Variants in NAGK observed in about 807,000 individuals in gnomAD.
NAGK encodes N-acetylglucosamine kinase, also known as N-acetyl-D-glucosamine kinase.
NAGK carries 35 observed loss-of-function variants against 42.9 expected under a neutral mutation model. The ratio of observed to expected loss-of-function variants is 0.82; its 90% confidence interval spans 0.62 to 1.08. The LOEUF (loss-of-function observed/expected upper bound fraction) is 1.08, where lower values mean the gene tolerates loss of function less well. Among genes scored for constraint, NAGK ranks in the 50% least tolerant of loss-of-function variants. The pLI is 0.00. For synonymous variants in NAGK, 172 were observed against 176.0 expected, an observed-to-expected ratio of 0.98 and a Z score of 0.18; for missense variants, 446 against 446.0, an observed-to-expected ratio of 1.00 and a Z score of 0.00.
intron 4 of NAGK, 76 bp from the exon 5 acceptor site, chr2:71,072,565 C>G: frequency 7.9e-7 from 1 of 1,267,866 alleles, no homozygotes; most frequent in Non-Finnish European, 1.1e-6. Flanking sequence ...GTTTTCTGTC[C>G]TGTCTTTCCA....
Position 71,077,655 on chromosome 2 carries a change from T to C in NAGK, c.844+19T>C, listed in dbSNP as rs903803315. ...AAGGAAGGTGAGCCTGGGGGGAGGC[T>C]GGAAGGGCAAGGGCAGGGGACGGGG... On this transcript the variant is annotated intron_variant, in intron 9 of 9. Coordinates refer to ENST00000244204, the MANE Select transcript of NAGK (RefSeq NM_017567.6). The C allele has an allele frequency of 1.9e-6, 3 of 1,593,746 alleles. No homozygotes were observed. Among genetic ancestry groups the C allele is most frequent in the African/African-American group, 1.3e-5 (1 of 74,378 alleles).
At chr2:71,073,114 T>C in intron 5 of NAGK, 1 of 452,750 alleles carries the variant, frequency 2.2e-6, no homozygotes, top group Non-Finnish European at 4.1e-6. Context: ...CCTTCCAACA[T>C]CACCTCTCTC....
chr2:71,073,331 T>TC, intron 5 of NAGK, 151 bp from the exon 6 acceptor site: 2 of 150,784 alleles, frequency 1.3e-5, no homozygotes, highest in Non-Finnish European at 1.3e-5. Flanking sequence ...CCCACCCCCC[T>TC]CTCCCACCCC....
rs755268543 is a variant in NAGK at position 71,078,606 on chromosome 2, A to C, written c.*98A>C. The C allele has an allele frequency of 3.0e-6, 4 of 1,341,906 alleles. No homozygotes were observed. The highest frequency in any genetic ancestry group is 4.0e-6 in the Non-Finnish European group (4 of 1,002,876). 83.1% of individuals were successfully genotyped at this position (1,341,906 alleles called of 1,614,324 possible). Reference sequence around the variant, plus strand: ...CTTTCTCCTTTTTACAAAAACAAACATAGAAGAAAATAAATGCACTTTATC... The same window carrying C: ...CTTTCTCCTTTTTACAAAAACAAACCTAGAAGAAAATAAATGCACTTTATC... On this transcript the variant is annotated 3_prime_UTR_variant, in exon 10 of 10. Coordinates refer to ENST00000244204, the MANE Select transcript of NAGK (RefSeq NM_017567.6).
chr2:71,068,492 G>C, upstream of NAGK: 4 of 1,418,662 alleles, frequency 2.8e-6, no homozygotes, highest in Non-Finnish European at 3.7e-6. Flanking sequence ...CCAGAAGGAA[G>C]ACAGCCTGAG....
Position 71,073,588 on chromosome 2 carries a change from T to C in NAGK, c.573T>C (p.Tyr191=), listed in dbSNP as rs1383898703. 61 of 1,611,776 alleles carry C rather than the reference T, an allele frequency of 3.8e-5. No individual in the cohort carries two copies. The East Asian group carries it at 1.3e-3, about 35-fold the overall frequency. The change falls in exon 6 of 10, where the codon TAT becomes TAC. Residue 191 remains tyrosine, a synonymous_variant. Coordinates refer to ENST00000244204, the MANE Select transcript of NAGK (RefSeq NM_017567.6). The part of the protein sequence containing the change: ...IGYVKQAMFH[Y]FQVPDRLGIL... ...ACGTCAAACAGGCCATGTTCCACTA[T>C]TTCCAGGTACTCCTCCTGCTCCCAG... is the stretch of plus-strand genomic sequence containing the variant.
rs1313836915 is a variant in NAGK, at chr2:71,077,626, G to A, written c.834G>A (p.Leu278=). ...GCTCTGTGTGGAAGAGCTGGGAGCTGCTGAAGGAAGGTGAGCCTGGGGGGA... is the reference window on the plus strand; with the variant it reads ...GCTCTGTGTGGAAGAGCTGGGAGCTACTGAAGGAAGGTGAGCCTGGGGGGA... The part of the protein sequence containing the change: ...CVGSVWKSWE[L]LKEGFLLALT... The change falls in exon 9 of 10, where the codon CTG becomes CTA. Residue 278 remains leucine, a synonymous_variant. Transcript: ENST00000244204. The A allele has an allele frequency of 6.8e-6, 11 of 1,606,170 alleles. No homozygotes were observed. Among genetic ancestry groups the A allele is most frequent in the South Asian group, 1.1e-5 (1 of 89,332 alleles).
At chr2:71,072,863 A>G (rs536800227) in intron 5 of NAGK, 112 bp downstream of exon 5, 69 of 949,148 alleles carry the variant, frequency 7.3e-5, no homozygotes, top group Non-Finnish European at 7.4e-5. Context: ...CCTGGGGACA[A>G]CTCCTGAACC....
At position 71,078,524 on chromosome 2, in the gene NAGK, T is replaced by G. The variant is rs758087628; in HGVS notation, c.*16T>G. 6 of 1,501,384 alleles carry G rather than the reference T, an allele frequency of 4.0e-6. No homozygotes were observed. The African/African-American group carries it at 7.0e-5, about 17-fold the overall frequency. The allele number at this position is 1,501,384 out of a possible 1,614,324, so 93.0% of individuals were successfully genotyped here. On this transcript the variant is annotated 3_prime_UTR_variant, in exon 10 of 10. Coordinates refer to ENST00000244204, the MANE Select transcript of NAGK (RefSeq NM_017567.6). ...CTTTTCCTAGGGGGCTGGTCCCGGC[T>G]CCACCCCCTCCAAGCTCAGTGGACA...
At chr2:71,072,317 G>A in intron 4 of NAGK, 1 of 340,272 alleles carries the variant, frequency 2.9e-6, no homozygotes, top group Non-Finnish European at 5.6e-6. Flanking sequence ...GAATATCACT[G>A]TGAGAACGGG....
chr2:71,074,136 G>A (rs1672126600), intron 6 of NAGK, among the ~76,000 whole-genome samples: 1 of 152,156 alleles, frequency 6.6e-6, no homozygotes, highest in African/African-American at 2.4e-5. Context: ...GCCTTTAGCG[G>A]AACCAGAGGT....
At chr2:71,072,272 G>C in intron 4 of NAGK, 1 of 269,888 alleles carries the variant, frequency 3.7e-6, no homozygotes. Flanking sequence ...TAAAATAGAG[G>C]AAGTTGTATT....
In NAGK at chr2:71,076,604, G is replaced by C. The variant is rs886895313; in HGVS notation, c.668G>C (p.Gly223Ala). Residue 223 changes from glycine (G) to alanine (A), a missense_variant and splice_region_variant, in exon 8 of 10, where the codon GGT (glycine) becomes GCT (alanine). Coordinates refer to ENST00000244204, the MANE Select transcript of NAGK (RefSeq NM_017567.6). ...CCTTCTTCCGTCCTCCCTACCCCAG[G>C]TGCTCAGCAGGGAGACCCCCTTTCC... Reference protein sequence around the residue: ...FAGFCRKIAEGAQQGDPLSRY... With the variant: ...FAGFCRKIAEAAQQGDPLSRY... The C allele has an allele frequency of 1.2e-6, 2 of 1,610,842 alleles. No individual in the cohort carries two copies. Among genetic ancestry groups the C allele is most frequent in the Non-Finnish European group, 1.7e-6 (2 of 1,177,382 alleles).
chr2:71,076,550 A>T, intron 7 of NAGK, 54 bp from the exon 8 acceptor site: 2 of 1,417,416 alleles, frequency 1.4e-6, no homozygotes, highest in Non-Finnish European at 2.0e-6. Flanking sequence ...TAGCCCAGGA[A>T]TGGCAGCTCC....
In NAGK at chr2:71,071,809, G is replaced by A. The variant is rs372471723; in HGVS notation, c.337G>A (p.Ala113Thr). The A allele has an allele frequency of 3.3e-4, 538 of 1,613,976 alleles. No homozygotes were observed. The highest frequency in any genetic ancestry group is 4.2e-4 in the Non-Finnish European group (496 of 1,180,004). Reference sequence around the variant, plus strand: ...CACCACCGATGCCGCCGGCTCCATCGCCACAGCTACACCGGATGGTGAGGA... The same window carrying A: ...CACCACCGATGCCGCCGGCTCCATCACCACAGCTACACCGGATGGTGAGGA... ...LITTDAAGSI[A>T]TATPDGGVVL... Residue 113 changes from alanine (A) to threonine (T), a missense_variant, in exon 4 of 10, where the codon GCC becomes ACC. Ala to Thr is a moderately conservative substitution (Grantham distance 58, BLOSUM62 0). Coordinates refer to ENST00000244204, the MANE Select transcript of NAGK (RefSeq NM_017567.6).
Position 71,073,544 on chromosome 2 carries a change from G to C in NAGK, c.529G>C (p.Ala177Pro). The C allele has an allele frequency of 6.2e-7, 1 of 1,614,128 alleles. No homozygotes were observed. The highest frequency in any genetic ancestry group is 1.1e-5 in the South Asian group (1 of 91,086). Residue 177 changes from alanine to proline, a missense_variant, in exon 6 of 10, where the codon GCT (alanine) becomes CCT (proline). Transcript: ENST00000244204. ...TGACTCCATTGACAACCTAGAGGCGGCTCCTCATGATATCGGCTACGTCAA... is the reference window on the plus strand; with the variant it reads ...TGACTCCATTGACAACCTAGAGGCGCCTCCTCATGATATCGGCTACGTCAA... Reference protein sequence around the residue: ...VFDSIDNLEAAPHDIGYVKQA... With the variant: ...VFDSIDNLEAPPHDIGYVKQA...
chr2:71,070,462 T>G (rs1671956287), intron 1 of NAGK, 40 bp from the exon 2 acceptor site: 1 of 1,568,004 alleles, frequency 6.4e-7, no homozygotes, highest in Non-Finnish European at 8.8e-7. Context: ...TCTCTGTGGG[T>G]TTTTCCGAGC....
At chr2:71,068,490 A>G, upstream of NAGK, 1 of 1,417,886 alleles carries the variant, frequency 7.1e-7, no homozygotes, top group Non-Finnish European at 9.2e-7. Context: ...CACCAGAAGG[A>G]AGACAGCCTG....
In NAGK at chr2:71,077,662, G is replaced by A. The variant is rs768076008; in HGVS notation, c.844+26G>A. ...GTGAGCCTGGGGGGAGGCTGGAAGGGCAAGGGCAGGGGACGGGGCTGGAAA... is the reference window on the plus strand; with the variant it reads ...GTGAGCCTGGGGGGAGGCTGGAAGGACAAGGGCAGGGGACGGGGCTGGAAA... On this transcript the variant is annotated intron_variant, in intron 9 of 9. Coordinates refer to ENST00000244204, the MANE Select transcript of NAGK (RefSeq NM_017567.6). 4.4e-6 allele frequency: 7 copies of A among 1,587,680 alleles called. No individual in the cohort carries two copies. In the African/African-American group the frequency reaches 8.1e-5, roughly 18 times the overall value.
Sources: gnomAD v4.1 joint callset for allele counts (sites outside exome capture counted in the v4.1 genomes callset) on GRCh38, gnomAD v4.1.1 for gene constraint, MANE v1.5 for transcripts, NCBI Gene and HGNC (gene_info 2026-07-23, HGNC 2026-07-21) for gene names.